The following MRPL47 variants were observed in gnomAD, a reference collection of about 807,000 sequenced individuals.
MRPL47 encodes the protein large ribosomal subunit protein uL29m.
In MRPL47, 31 loss-of-function variants were observed where a neutral mutation model predicts 34.0. The ratio of observed to expected loss-of-function variants is 0.91; its 90% CI spans 0.68 to 1.23. The LOEUF (loss-of-function observed/expected upper bound fraction) is 1.23, where lower values mean the gene tolerates loss of function less well. MRPL47 is among the 50% of genes most tolerant of loss of function. MRPL47 has a pLI of 0.00. For missense variants in MRPL47, 328 were observed against 285.8 expected, an observed-to-expected ratio of 1.15 and a Z score of -1.07; for synonymous variants, 106 against 101.6, an observed-to-expected ratio of 1.04 and a Z score of -0.26.
chr3:179,594,976 TC>T (rs1718761470), intron 4 of MRPL47, among the ~76,000 whole-genome samples: 1 of 152,028 alleles, frequency 6.6e-6, no homozygotes, highest in Admixed American at 6.6e-5. Context: ...CAGATTATAA[TC>T]CCCCAGGTAG....
intron 4 of MRPL47, among the ~76,000 whole-genome samples, chr3:179,597,590 C>T (rs761534787): frequency 6.6e-6 from 1 of 152,034 alleles, no homozygotes; most frequent in Non-Finnish European, 1.5e-5. Context: ...GGGCAGATCA[C>T]GAGGTCAGGA....
intron 6 of MRPL47, among the ~76,000 whole-genome samples, chr3:179,591,871 C>T (rs975478767): frequency 3.3e-5 from 5 of 151,926 alleles, no homozygotes; most frequent in Non-Finnish European, 7.4e-5. Flanking sequence ...CTCACTCTGT[C>T]GCCCAGGCTG....
intron 6 of MRPL47, among the ~76,000 whole-genome samples, chr3:179,590,644 T>G (rs988863551): frequency 5.3e-5 from 8 of 152,062 alleles, no homozygotes; most frequent in Admixed American, 5.2e-4. Context: ...GTTTAAGATT[T>G]TGTCCTGTAG....
chr3:179,593,988 T>C lies in MRPL47; in HGVS notation c.403-93A>G, dbSNP rs181630419. 9.3e-5 allele frequency: 107 copies of C among 1,150,002 alleles called. 1 individual carries two copies. The highest frequency in any genetic ancestry group is 3.3e-4 in the African/African-American group (21 of 64,190). 71.2% of individuals were successfully genotyped at this position (1,150,002 alleles called of 1,614,324 possible). ...TATAAACACTTCTGCTACAGAAAAC[T>C]TATGAATATTTATGCCAAAGAACCA... is the stretch of plus-strand genomic sequence containing the variant. On this transcript the variant is annotated intron_variant, in intron 4 of 6. Coordinates refer to ENST00000476781, the MANE Select transcript of MRPL47 (RefSeq NM_020409.3).
intron 3 of MRPL47, 133 bp from the exon 4 acceptor site, chr3:179,598,904 A>T: frequency 1.7e-6 from 1 of 603,616 alleles, no homozygotes; most frequent in South Asian, 1.7e-5. Context: ...CACACCTGTA[A>T]TCCCAGCACT....
chr3:179,591,767 C>T (rs1052367377), intron 6 of MRPL47, among the ~76,000 whole-genome samples: 1 of 152,058 alleles, frequency 6.6e-6, no homozygotes, highest in Non-Finnish European at 1.5e-5. Context: ...CATATAGATA[C>T]AAGAATAGAA....
intron 3 of MRPL47, among the ~76,000 whole-genome samples, chr3:179,599,795 A>G (rs757815372): frequency 1.1e-4 from 16 of 152,350 alleles, no homozygotes; most frequent in Non-Finnish European, 1.8e-4. Flanking sequence ...CAGCAGAGCT[A>G]AAGTGAAGGC....
At chr3:179,604,379 GTCAC>G (rs1382178799) in intron 1 of MRPL47, 144 bp downstream of exon 1, 1 of 675,828 alleles carries the variant, frequency 1.5e-6, no homozygotes, top group Non-Finnish European at 2.5e-6. Flanking sequence ...CTTCTCCAAG[GTCAC>G]TCACTCCTCA....
intron 5 of MRPL47, 151 bp downstream of exon 5, chr3:179,593,614 G>C (rs533487520): frequency 6.9e-6 from 4 of 582,012 alleles, no homozygotes; most frequent in Admixed American, 3.7e-5. Flanking sequence ...CTTCATTAAA[G>C]TCCAAAGGGG....
intron 3 of MRPL47, 118 bp from the exon 4 acceptor site, chr3:179,598,889 T>G (rs1475379205): frequency 1.9e-5 from 13 of 685,284 alleles, no homozygotes; most frequent in Non-Finnish European, 3.3e-5. Context: ...CGAGGTGCTG[T>G]GGCTCACACC....
chr3:179,598,303 C>T (rs1187898809), intron 4 of MRPL47, among the ~76,000 whole-genome samples: 2 of 151,062 alleles, frequency 1.3e-5, no homozygotes, highest in African/African-American at 2.4e-5. Context: ...AGGAGAATTG[C>T]TTGATCCTGG....
intron 6 of MRPL47, 119 bp from the exon 7 acceptor site, chr3:179,589,114 G>A (rs1718602817): frequency 3.1e-6 from 3 of 975,832 alleles, no homozygotes; most frequent in South Asian, 3.5e-5. Context: ...CCCTGTATTT[G>A]GTGTGTTATA....
intron 6 of MRPL47, 62 bp from the exon 7 acceptor site, chr3:179,589,057 T>C (rs1718601153): frequency 6.8e-7 from 1 of 1,481,316 alleles, no homozygotes; most frequent in Non-Finnish European, 9.2e-7. Context: ...TTCAATACTA[T>C]CAAAATATGC....
chr3:179,597,309 G>A (rs913076831), intron 4 of MRPL47, among the ~76,000 whole-genome samples: 6 of 152,128 alleles, frequency 3.9e-5, no homozygotes, highest in African/African-American at 9.7e-5. Flanking sequence ...TCCAGGGATC[G>A]TTATGTCCTT....
rs192775893 is a variant in MRPL47, at chr3:179,589,076, A to G, written c.630-81T>C. On this transcript the variant is annotated intron_variant, in intron 6 of 6. Coordinates refer to ENST00000476781, the MANE Select transcript of MRPL47 (RefSeq NM_020409.3). ...ATACTATCAAAATATGCATAAATCA[A>G]TTACATCAAAGCTTCAAACATGCCA... The G allele has an allele frequency of 1.2e-4, 166 of 1,367,262 alleles. 1 individual carries two copies. The highest frequency in any genetic ancestry group is 8.9e-4 in the Middle Eastern group (4 of 4,516). The allele number at this position is 1,367,262 out of a possible 1,614,324, so 84.7% of individuals were successfully genotyped here.
At position 179,589,543 on chromosome 3, in the gene MRPL47, A is replaced by G. The variant is rs546668286; in HGVS notation, c.630-548T>C. On this transcript the variant is annotated intron_variant, in intron 6 of 6. Transcript: ENST00000476781. ...TAGGGTCAACTTGGGAGTTGTAAAA[A>G]TTGAAAATGAAAAAAATCCTTGCAT... Among the ~76,000 whole-genome samples the G allele has an allele frequency of 6.6e-5, 10 of 152,338 alleles. No homozygotes were observed. In the East Asian group the frequency reaches 1.7e-3, roughly 26 times the overall value.
At chr3:179,592,835 TTAG>T (rs1426124663) in intron 5 of MRPL47, 96 bp from the exon 6 acceptor site, 52 of 732,356 alleles carry the variant, frequency 7.1e-5, no homozygotes, top group Non-Finnish European at 1.1e-4. Flanking sequence ...CAAATAAAAA[TTAG>T]TAGAAAATAA....
At chr3:179,602,440 T>C (rs1420640434) in intron 2 of MRPL47, among the ~76,000 whole-genome samples, 3 of 152,132 alleles carry the variant, frequency 2.0e-5, no homozygotes, top group Non-Finnish European at 4.4e-5. Context: ...CTATTCCTTA[T>C]CTAACCATCT....
At chr3:179,599,365 G>A (rs533039522) in intron 3 of MRPL47, among the ~76,000 whole-genome samples, 1 of 152,328 alleles carries the variant, frequency 6.6e-6, no homozygotes, top group African/African-American at 2.4e-5. Context: ...AGAGAAGGCA[G>A]ATGGAAGATA....
Sources: allele counts gnomAD v4.1 joint callset (sites outside exome capture counted in the v4.1 genomes callset), GRCh38; gene constraint gnomAD v4.1.1; transcripts MANE v1.5; gene names NCBI Gene and HGNC (gene_info 2026-07-23, HGNC 2026-07-21).